Variants in BACH2 observed in about 807,000 individuals in gnomAD.
BACH2 encodes the protein BACH transcriptional regulator 2.
A neutral mutation model predicts 61.8 loss-of-function variants in BACH2; 5 were observed. That is an observed-to-expected ratio of 0.08 (90% CI 0.04 to 0.17). The LOEUF (loss-of-function observed/expected upper bound fraction) is 0.17, where lower values mean the gene tolerates loss of function less well. Among genes scored for constraint, BACH2 ranks in the 10% least tolerant of loss-of-function variants. The pLI, the probability that BACH2 is intolerant of heterozygous loss-of-function variation, is 1.00. For missense variants in BACH2, 824 were observed against 1,091.1 expected (o/e 0.76, Z 3.45); for synonymous variants, 446 against 440.1 (o/e 1.01, Z -0.17).
intron 4 of BACH2, among the ~76,000 whole-genome samples, chr6:90,203,524 C>T (rs1474987226): frequency 6.6e-6 from 1 of 151,834 alleles, no homozygotes; most frequent in Non-Finnish European, 1.5e-5. Context: ...GTCAAGTCTG[C>T]ATGAGGGTTT....
At chr6:90,161,155 G>A (rs1785179203) in intron 4 of BACH2, among the ~76,000 whole-genome samples, 1 of 151,334 alleles carries the variant, frequency 6.6e-6, no homozygotes, top group South Asian at 2.1e-4. Flanking sequence ...TTTTACAATG[G>A]GACAGATCTA....
intron 4 of BACH2, among the ~76,000 whole-genome samples, chr6:90,204,698 C>T (rs140431940): frequency 2.6e-5 from 4 of 152,200 alleles, no homozygotes; most frequent in East Asian, 1.9e-4. Context: ...ACAGATTTCC[C>T]GAGTTGCCTT....
intron 2 of BACH2, among the ~76,000 whole-genome samples, chr6:90,270,224 T>TCTTTTC (rs1187177834): frequency 2.0e-5 from 3 of 152,214 alleles, no homozygotes; most frequent in Non-Finnish European, 2.9e-5. Flanking sequence ...TATAATGACT[T>TCTTTTC]CTTTTCCTTT....
intron 5 of BACH2, among the ~76,000 whole-genome samples, chr6:90,083,033 C>T (rs1368678862): frequency 6.6e-6 from 1 of 152,176 alleles, no homozygotes; most frequent in Admixed American, 6.5e-5. Context: ...TGCTTTTCCT[C>T]CTCATGACGC....
chr6:90,041,274 C>T (rs1017089919), intron 5 of BACH2, among the ~76,000 whole-genome samples: 2 of 151,544 alleles, frequency 1.3e-5, no homozygotes, highest in African/African-American at 2.4e-5. Flanking sequence ...TCTACTAAAG[C>T]GTGATGCTAA....
At chr6:90,045,176 T>C (rs919228879) in intron 5 of BACH2, among the ~76,000 whole-genome samples, 3 of 152,222 alleles carry the variant, frequency 2.0e-5, no homozygotes, top group African/African-American at 7.2e-5. Flanking sequence ...TTTTTTTCCA[T>C]GTCTAGATGG....
intron 3 of BACH2, among the ~76,000 whole-genome samples, chr6:90,236,874 G>A (rs1770275271): frequency 6.6e-6 from 1 of 152,124 alleles, no homozygotes; most frequent in African/African-American, 2.4e-5. Flanking sequence ...CTATGTCCAT[G>A]ATTCCACTGT....
At chr6:90,283,040 C>T (rs1016059391) in intron 1 of BACH2, among the ~76,000 whole-genome samples, 4 of 152,200 alleles carry the variant, frequency 2.6e-5, no homozygotes, top group African/African-American at 9.7e-5. Flanking sequence ...AAAATTTCTG[C>T]CAATCCAGAG....
At chr6:90,076,446 C>T (rs1271937845) in intron 5 of BACH2, among the ~76,000 whole-genome samples, 2 of 152,182 alleles carry the variant, frequency 1.3e-5, no homozygotes, top group African/African-American at 4.8e-5. Flanking sequence ...TCCAAGCACA[C>T]ATGATGTTCT....
intron 5 of BACH2, among the ~76,000 whole-genome samples, chr6:90,078,651 G>A (rs1781583143): frequency 6.6e-6 from 1 of 152,146 alleles, no homozygotes; most frequent in African/African-American, 2.4e-5. Flanking sequence ...ATTTTGTGGA[G>A]TGCTGGCTTT....
chr6:90,256,032 C>G (rs1770966965), intron 2 of BACH2, among the ~76,000 whole-genome samples: 1 of 152,252 alleles, frequency 6.6e-6, no homozygotes, highest in Middle Eastern at 3.4e-3. Context: ...AGTTTTGAAC[C>G]TCCAAATTCT....
intron 4 of BACH2, among the ~76,000 whole-genome samples, chr6:90,200,923 CATA>C (rs1446892905): frequency 1.3e-5 from 2 of 152,098 alleles, no homozygotes; most frequent in African/African-American, 4.8e-5. Context: ...AGATAATGCT[CATA>C]ATATGTTGAT....
At chr6:90,058,100 A>ATAGTGTTG (rs1780468849) in intron 5 of BACH2, among the ~76,000 whole-genome samples, 1 of 152,208 alleles carries the variant, frequency 6.6e-6, no homozygotes, top group South Asian at 2.1e-4. Context: ...CCTATTCAAC[A>ATAGTGTTG]TAGTGTTGGA....
chr6:90,274,097 T>C (rs761603584), intron 1 of BACH2, among the ~76,000 whole-genome samples: 8 of 152,180 alleles, frequency 5.3e-5, no homozygotes, highest in Non-Finnish European at 1.2e-4. Context: ...AACGAAAACC[T>C]TTCCAAGTCT....
At chr6:89,995,556 C>T (rs191608592) in intron 6 of BACH2, among the ~76,000 whole-genome samples, 8 of 152,272 alleles carry the variant, frequency 5.3e-5, no homozygotes, top group Admixed American at 1.3e-4. Context: ...TGACTTATCG[C>T]TTGTGACAAG....
chr6:90,156,915 G>C (rs1011914071), intron 4 of BACH2, among the ~76,000 whole-genome samples: 1 of 152,222 alleles, frequency 6.6e-6, no homozygotes, highest in Admixed American at 6.5e-5. Context: ...GAACTGTGCA[G>C]CATCCAGAGA....
At chr6:90,226,362 C>T (rs1769915215) in intron 3 of BACH2, among the ~76,000 whole-genome samples, 2 of 152,136 alleles carry the variant, frequency 1.3e-5, no homozygotes, top group Non-Finnish European at 2.9e-5. Flanking sequence ...CCATTTTGGG[C>T]AGTGGTATGC....
intron 5 of BACH2, among the ~76,000 whole-genome samples, chr6:90,011,441 C>T (rs1295052439): frequency 6.7e-6 from 1 of 148,922 alleles, no homozygotes; most frequent in Non-Finnish European, 1.5e-5. Context: ...ACAAACCTTG[C>T]TTATTTGTAC....
chr6:90,062,572 G>A (rs1231805183), intron 5 of BACH2, among the ~76,000 whole-genome samples: 1 of 152,126 alleles, frequency 6.6e-6, no homozygotes, highest in Non-Finnish European at 1.5e-5. Context: ...CTCTTGTTTT[G>A]TGATTAATGG....
Sources: allele counts gnomAD v4.1 joint callset (sites outside exome capture counted in the v4.1 genomes callset), GRCh38; gene constraint gnomAD v4.1.1; transcripts MANE v1.5; gene names NCBI Gene and HGNC (gene_info 2026-07-23, HGNC 2026-07-21).